GNB5: variants seen among roughly 807,000 people sequenced by gnomAD.
GNB5 encodes G protein subunit beta 5.
In GNB5, 37 loss-of-function variants were observed where a neutral mutation model predicts 55.3. The observed-to-expected ratio is 0.67, with a 90% CI of 0.51 to 0.88. The LOEUF (loss-of-function observed/expected upper bound fraction) is 0.88. GNB5 is among the 40% of genes least tolerant of loss of function. The pLI is 0.00. For synonymous variants in GNB5, 219 were observed against 198.5 expected (o/e 1.10, Z -0.87); for missense variants, 476 against 515.3 (o/e 0.92, Z 0.74).
At position 52,177,808 on chromosome 15, in the gene GNB5, G is replaced by T. The variant is rs115547535; in HGVS notation, c.238+1960C>A. Among the ~76,000 whole-genome samples, 405 of 152,268 alleles carry T rather than the reference G, an allele frequency of 2.7e-3. 5 individuals are homozygous for T. Among genetic ancestry groups the T allele is most frequent in the African/African-American group, 9.2e-3 (381 of 41,552 alleles). On this transcript the variant is annotated intron_variant, in intron 3 of 12. Transcript: ENST00000261837. ...GAAGAGAAGTGGTCTGGAAGCTGCA[G>T]GGGAATCAAGAGGGACACAACCACA...
At chr15:52,189,211 A>G (rs957250314) in intron 1 of GNB5, among the ~76,000 whole-genome samples, 1 of 152,200 alleles carries the variant, frequency 6.6e-6, no homozygotes, top group African/African-American at 2.4e-5. Context: ...GCTGTGGAAA[A>G]CGGTTTGGCA....
At position 52,118,498 on chromosome 15, in the gene GNB5, CAGTCTT is replaced by C. The variant is rs2033188075; in HGVS notation, c.*4253_*4258del. On this transcript the variant is annotated 3_prime_UTR_variant, in exon 13 of 13. Transcript: ENST00000261837. ...ATTCTTGTGTTTTATAACTTTTTCT[CAGTCTT>C]AATTTCTAATACAATAAATATGGAT... is the stretch of plus-strand genomic sequence containing the variant. 1 of 152,036 alleles carries C rather than the reference CAGTCTT, an allele frequency of 6.6e-6. No homozygotes were observed. Among genetic ancestry groups the C allele is most frequent in the Non-Finnish European group, 1.5e-5 (1 of 68,020 alleles). 9.4% of individuals were successfully genotyped at this position (152,036 alleles called of 1,614,324 possible).
intron 7 of GNB5, chr15:52,137,712 G>C: frequency 8.4e-7 from 1 of 1,187,300 alleles, no homozygotes; most frequent in Non-Finnish European, 1.1e-6. Context: ...CTGGGATTGG[G>C]AGAAAGGCAG....
rs1446305149 is a variant in GNB5 at position 52,122,536 on chromosome 15, T to G, written c.*221A>C. ...AAAAAGTGTTCCAAAAGAAAAATAC[T>G]GTACTTGAAGGTATTCTCGCAGTGC... On this transcript the variant is annotated 3_prime_UTR_variant, in exon 13 of 13. Transcript: ENST00000261837. 1 of 498,484 alleles carries G rather than the reference T, an allele frequency of 2.0e-6. No individual in the cohort carries two copies. Among genetic ancestry groups the G allele is most frequent in the Admixed American group, 3.7e-5 (1 of 27,292 alleles). 30.9% of individuals were successfully genotyped at this position (498,484 alleles called of 1,614,324 possible). A position where few individuals can be genotyped will look rare whatever the true frequency, so the allele number is the denominator to read the frequency against.
chr15:52,142,652 C>T (rs2033883947), intron 6 of GNB5, among the ~76,000 whole-genome samples: 1 of 151,894 alleles, frequency 6.6e-6, no homozygotes, highest in African/African-American at 2.4e-5. Flanking sequence ...TCACTTTATT[C>T]TTTTCCTCCC....
chr15:52,178,832 C>T (rs2034702288), intron 3 of GNB5, among the ~76,000 whole-genome samples: 1 of 152,134 alleles, frequency 6.6e-6, no homozygotes, highest in African/African-American at 2.4e-5. Flanking sequence ...AGGGTGGCAT[C>T]GATTAGGAAT....
At position 52,122,732 on chromosome 15, in the gene GNB5, A is replaced by G. The variant is rs1415629958; in HGVS notation, c.*25T>C. ...GTGAAGATTTCAAATTCTCAGGTAT[A>G]CATGAGTGCACTGTCAGAAGATGAT... is the stretch of plus-strand genomic sequence containing the variant. On this transcript the variant is annotated 3_prime_UTR_variant, in exon 13 of 13. Coordinates refer to ENST00000261837, the MANE Select transcript of GNB5 (RefSeq NM_016194.4). 3 of 1,559,342 alleles carry G rather than the reference A, an allele frequency of 1.9e-6. No homozygotes were observed. Among genetic ancestry groups the G allele is most frequent in the Admixed American group, 3.3e-5 (2 of 59,960 alleles).
At chr15:52,128,954 C>CTTTT (rs536792407) in intron 9 of GNB5, among the ~76,000 whole-genome samples, 2 of 127,056 alleles carry the variant, frequency 1.6e-5, no homozygotes, top group Non-Finnish European at 3.2e-5. Flanking sequence ...ATTGTTTCTC[C>CTTTT]TTTTTTTTTT....
rs761680228 is a variant in GNB5 at position 52,115,162 on chromosome 15, C to T, written c.*7595G>A. The stretch of plus-strand genomic sequence containing the variant: ...TGATTTTACCTTTTTGTACATTAAA[C>T]TTTAGCAGCAAGAACATTGTTTTCT... On this transcript the variant is annotated 3_prime_UTR_variant, in exon 13 of 13. Transcript: ENST00000261837. 7.2e-5 allele frequency: 11 copies of T among 152,322 alleles called. No homozygotes were observed. The highest frequency in any genetic ancestry group is 1.5e-4 in the Non-Finnish European group (10 of 68,030). 9.4% of individuals were successfully genotyped at this position (152,322 alleles called of 1,614,324 possible).
chr15:52,176,499 G>A (rs1218959098), intron 3 of GNB5, among the ~76,000 whole-genome samples: 14 of 152,298 alleles, frequency 9.2e-5, no homozygotes. Context: ...TGAGTGCCAA[G>A]GGACAAACAC....
In GNB5 at chr15:52,118,449, G is replaced by A. The variant is rs2033187373; in HGVS notation, c.*4308C>T. Reference sequence around the variant, plus strand: ...GGCATGGGAGAAAGATCACCTTGATGGCTAATGGAACGTGTGCATCTGTAT... The same window carrying A: ...GGCATGGGAGAAAGATCACCTTGATAGCTAATGGAACGTGTGCATCTGTAT... On this transcript the variant is annotated 3_prime_UTR_variant, in exon 13 of 13. Coordinates refer to ENST00000261837, the MANE Select transcript of GNB5 (RefSeq NM_016194.4). 6.6e-6 allele frequency: 1 copy of A among 151,980 alleles called. No individual in the cohort carries two copies. The highest frequency in any genetic ancestry group is 6.6e-5 in the Admixed American group (1 of 15,258). The allele number at this position is 151,980 out of a possible 1,614,324, so 9.4% of individuals were successfully genotyped here.
At chr15:52,140,563 C>A (rs2033829142) in intron 7 of GNB5, among the ~76,000 whole-genome samples, 1 of 152,162 alleles carries the variant, frequency 6.6e-6, no homozygotes, top group African/African-American at 2.4e-5. Flanking sequence ...TGGTATCTGG[C>A]AATATGGGTA....
intron 1 of GNB5, among the ~76,000 whole-genome samples, chr15:52,188,723 A>C (rs1052157454): frequency 2.6e-5 from 4 of 152,224 alleles, no homozygotes; most frequent in Admixed American, 6.5e-5. Context: ...CTTTATGCCA[A>C]GCACAAACTT....
At position 52,154,023 on chromosome 15, in the gene GNB5, T is replaced by C. The variant is rs2034156167; in HGVS notation, c.292A>G (p.Arg98Gly). 1.2e-6 allele frequency: 2 copies of C among 1,613,996 alleles called. No individual in the cohort carries two copies. Among genetic ancestry groups the C allele is most frequent in the Non-Finnish European group, 1.7e-6 (2 of 1,179,934 alleles). Residue 98 changes from arginine (R) to glycine (G), a missense_variant, in exon 4 of 13, where the codon AGA becomes GGA. Transcript: ENST00000261837. ...EALGQFVMKT[R>G]RTLKGHGNKV... Reference sequence around the variant, plus strand: ...TTCCCGTGGCCTTTGAGGGTCCTTCTGGTCTTCATGACAAACTGCCCCAGG... The same window carrying C: ...TTCCCGTGGCCTTTGAGGGTCCTTCCGGTCTTCATGACAAACTGCCCCAGG...
intron 3 of GNB5, among the ~76,000 whole-genome samples, chr15:52,177,094 G>A (rs1680692272): frequency 7.0e-6 from 1 of 143,312 alleles, no homozygotes; most frequent in Non-Finnish European, 1.5e-5. Flanking sequence ...GAGTGCAGTG[G>A]CAAGATCTCG....
chr15:52,154,152 T>C lies in GNB5; in HGVS notation c.239-76A>G, dbSNP rs914848969. The C allele has an allele frequency of 4.2e-6, 6 of 1,432,530 alleles. No individual in the cohort carries two copies. In the African/African-American group the frequency reaches 8.5e-5, roughly 20 times the overall value. The allele number at this position is 1,432,530 out of a possible 1,614,324, so 88.7% of individuals were successfully genotyped here. A position where few individuals can be genotyped will look rare whatever the true frequency, so the allele number is the denominator to read the frequency against. On this transcript the variant is annotated intron_variant, in intron 3 of 12. Coordinates refer to ENST00000261837, the MANE Select transcript of GNB5 (RefSeq NM_016194.4). ...GCTTTGGGCTGACACAGCACAGACA[T>C]ATGTTCCGCAGAGGGAGGCGGCCCC...
chr15:52,160,699 C>G lies in GNB5; in HGVS notation c.239-6623G>C, dbSNP rs138837290. ...TTTGGTGTGTACCCTTCCAGCCTTT[C>G]CTCCACATATGTGCACACACATATA... On this transcript the variant is annotated intron_variant, in intron 3 of 12. Transcript: ENST00000261837. Among the ~76,000 whole-genome samples, 618 of 152,326 alleles carry G rather than the reference C, an allele frequency of 4.1e-3. 5 individuals carry two copies. Among genetic ancestry groups the G allele is most frequent in the African/African-American group, 0.014 (601 of 41,580 alleles).
chr15:52,147,780 G>A (rs1416528271), intron 5 of GNB5, among the ~76,000 whole-genome samples: 1 of 151,896 alleles, frequency 6.6e-6, no homozygotes, highest in Non-Finnish European at 1.5e-5. Flanking sequence ...ATGGGGTTTC[G>A]CCATGTTGGC....
intron 3 of GNB5, among the ~76,000 whole-genome samples, chr15:52,163,315 T>A (rs1031648022): frequency 1.3e-5 from 2 of 152,174 alleles, no homozygotes; most frequent in African/African-American, 4.8e-5. Context: ...AAGAAAGTCC[T>A]GTGAGGAAGG....
Sources: allele counts gnomAD v4.1 joint callset (sites outside exome capture counted in the v4.1 genomes callset), GRCh38; gene constraint gnomAD v4.1.1; transcripts MANE v1.5; gene names NCBI Gene and HGNC (gene_info 2026-07-23, HGNC 2026-07-21).